PHC3: variants seen among roughly 807,000 people sequenced by gnomAD.
PHC3 encodes the protein polyhomeotic homolog 3, also known as polyhomeotic-like protein 3.
PHC3 carries 13 observed loss-of-function variants against 107.4 expected under a neutral mutation model. The ratio of observed to expected loss-of-function variants is 0.12; its 90% confidence interval spans 0.08 to 0.19. PHC3 has a LOEUF of 0.19. Among genes scored for constraint, PHC3 ranks in the 10% least tolerant of loss-of-function variants. The pLI is 1.00. For missense variants in PHC3, 992 were observed against 1,210.9 expected, an observed-to-expected ratio of 0.82 and a Z score of 2.68; for synonymous variants, 456 against 427.4, an observed-to-expected ratio of 1.07 and a Z score of -0.83.
Position 170,129,319 on chromosome 3 carries a change from A to C in PHC3, c.1153T>G (p.Ser385Ala), listed in dbSNP as rs1324807582. 6.2e-7 allele frequency: 1 copy of C among 1,613,980 alleles called. No homozygotes were observed. Among genetic ancestry groups the C allele is most frequent in the Non-Finnish European group, 8.5e-7 (1 of 1,179,878 alleles). ...GGAGAGGGATGACTCTGAATCGGTG[A>C]ACAATGCTGTGACTGGGCATTACTG... ...APSNAQSQHC[S>A]PIQSHPSPLT... The change falls in exon 8 of 15, where the codon TCA becomes GCA. Residue 385 changes from serine (S) to alanine (A), a missense_variant. By Grantham distance (99) the Ser-to-Ala change is moderately conservative. Around this residue, in one of 6 missense-constraint regions of PHC3, gnomAD observed 543 missense variants for 590.8 expected, o/e 0.92. Transcript: ENST00000495893.
intron 6 of PHC3, among the ~76,000 whole-genome samples, chr3:170,143,932 G>C (rs957718922): frequency 6.6e-6 from 1 of 151,976 alleles, no homozygotes; most frequent in African/African-American, 2.4e-5. Context: ...TGGAATCATA[G>C]AGTATGTATC....
intron 8 of PHC3, chr3:170,128,320 G>A: frequency 8.0e-7 from 1 of 1,242,598 alleles, no homozygotes; most frequent in Non-Finnish European, 1.0e-6. Context: ...CAACAGAAGG[G>A]ATCTATGAAG....
chr3:170,128,777 A>C lies in PHC3; in HGVS notation c.1695T>G (p.Ala565=). ...GAGTCTGAAATGGCAACTGGACCAA[A>C]GCTTCTGCAGCTGGAAGTTCCTCTT... ...VSEEELPAAE[A]LVQLPFQTLP... The change falls in exon 8 of 15, where the codon GCT becomes GCG. Residue 565 remains alanine (A), a synonymous_variant. Transcript: ENST00000495893. The C allele has an allele frequency of 6.2e-7, 1 of 1,613,996 alleles. No homozygotes were observed. The highest frequency in any genetic ancestry group is 8.5e-7 in the Non-Finnish European group (1 of 1,179,876).
rs1714084102 is a variant in PHC3 at position 170,091,511 on chromosome 3, TTAAG to T, written c.*5715_*5718del. 1 of 152,204 alleles carries T rather than the reference TTAAG, an allele frequency of 6.6e-6. No homozygotes were observed. Among genetic ancestry groups the T allele is most frequent in the Non-Finnish European group, 1.5e-5 (1 of 68,040 alleles). 9.4% of individuals were successfully genotyped at this position (152,204 alleles called of 1,614,324 possible). A position where few individuals can be genotyped will look rare whatever the true frequency, so the allele number is the denominator to read the frequency against. ...ACATTTCCGATTAAAATTGTCATCT[TTAAG>T]TAAAATTAAATGTCAACAAACTATA... On this transcript the variant is annotated 3_prime_UTR_variant, in exon 15 of 15. Transcript: ENST00000495893.
chr3:170,181,214 C>T (rs912381974), intron 1 of PHC3, among the ~76,000 whole-genome samples: 1 of 152,196 alleles, frequency 6.6e-6, no homozygotes, highest in Admixed American at 6.5e-5. Context: ...CGGGCAGCCC[C>T]GCGTGTCGGA....
intron 8 of PHC3, among the ~76,000 whole-genome samples, chr3:170,128,133 C>T (rs1039156067): frequency 1.2e-4 from 19 of 152,158 alleles, no homozygotes; most frequent in South Asian, 2.1e-4. Flanking sequence ...GGACTCTCTC[C>T]TAGAATAATT....
At chr3:170,155,970 C>T (rs1206012115) in intron 4 of PHC3, among the ~76,000 whole-genome samples, 2 of 152,100 alleles carry the variant, frequency 1.3e-5, no homozygotes, top group Admixed American at 6.6e-5. Context: ...AGAGGAAATG[C>T]TATTTTTCTC....
intron 8 of PHC3, among the ~76,000 whole-genome samples, chr3:170,126,771 C>T (rs971638425): frequency 1.6e-4 from 24 of 151,794 alleles, no homozygotes; most frequent in African/African-American, 5.8e-4. Flanking sequence ...GAACTCCTGA[C>T]CTCAGGTGAT....
At chr3:170,145,620 G>C in intron 5 of PHC3, 99 bp from the exon 6 acceptor site, 1 of 732,878 alleles carries the variant, frequency 1.4e-6, no homozygotes, top group Non-Finnish European at 2.2e-6. Context: ...GTGACAGAAA[G>C]ACAATGCAGT....
In PHC3 at chr3:170,128,978, G is replaced by T. The variant is rs1431968822; in HGVS notation, c.1494C>A (p.His498Gln). Residue 498 changes from histidine to glutamine, a missense_variant, in exon 8 of 15, where the codon CAC (histidine) becomes CAA (glutamine). Around this residue, in one of 6 missense-constraint regions of PHC3, gnomAD observed 543 missense variants for 590.8 expected, o/e 0.92. Transcript: ENST00000495893. ...AGGACTGCAGGGATGAATATTGCTGGTGTGATGGAGAGACAATCTGCTGGC... is the reference window on the plus strand; with the variant it reads ...AGGACTGCAGGGATGAATATTGCTGTTGTGATGGAGAGACAATCTGCTGGC... The part of the protein sequence containing the change: ...SPGQQIVSPS[H>Q]QQYSSLQSSP... The T allele has an allele frequency of 2.5e-6, 4 of 1,613,866 alleles. No homozygotes were observed.
chr3:170,106,477 A>C (rs972797927), intron 12 of PHC3, among the ~76,000 whole-genome samples: 3 of 152,190 alleles, frequency 2.0e-5, no homozygotes, highest in Non-Finnish European at 4.4e-5. Context: ...TGATACTTTA[A>C]GGACTAGTAT....
intron 12 of PHC3, among the ~76,000 whole-genome samples, chr3:170,105,508 A>C (rs1490184982): frequency 6.6e-6 from 1 of 151,682 alleles, no homozygotes; most frequent in Non-Finnish European, 1.5e-5. Flanking sequence ...TCATGAGGTT[A>C]AGGTTATTTA....
intron 10 of PHC3, among the ~76,000 whole-genome samples, chr3:170,115,540 T>C (rs574601910): frequency 6.7e-4 from 102 of 152,304 alleles, no homozygotes; most frequent in African/African-American, 2.3e-3. Flanking sequence ...GTGGTATTAA[T>C]GGGGATCATT....
intron 10 of PHC3, among the ~76,000 whole-genome samples, chr3:170,115,655 T>C (rs1179025843): frequency 6.6e-6 from 1 of 152,214 alleles, no homozygotes; most frequent in Non-Finnish European, 1.5e-5. Context: ...ATAATGGCTA[T>C]GGCCATGAAG....
intron 6 of PHC3, among the ~76,000 whole-genome samples, chr3:170,143,439 T>G (rs1724420695): frequency 6.6e-6 from 1 of 152,180 alleles, no homozygotes; most frequent in African/African-American, 2.4e-5. Flanking sequence ...CCTTTACTTG[T>G]AAATGAAATA....
At chr3:170,162,840 C>T (rs1275189798) in intron 4 of PHC3, among the ~76,000 whole-genome samples, 2 of 152,190 alleles carry the variant, frequency 1.3e-5, no homozygotes, top group Admixed American at 1.3e-4. Context: ...CCCACTCTCA[C>T]ATTCCACTCC....
chr3:170,125,849 A>G lies in PHC3; in HGVS notation c.1788+2835T>C, dbSNP rs1470398101. ...GTTCAACAATTAAAATGTTGAAAAA[A>G]GCAAAGTGGAGGTTTTGCTCACTCA... is the stretch of plus-strand genomic sequence containing the variant. On this transcript the variant is annotated intron_variant, in intron 8 of 14. Transcript: ENST00000495893. 1.8e-5 allele frequency: 5 copies of G among 272,788 alleles called. No individual in the cohort carries two copies. In the East Asian group the frequency reaches 8.8e-4, roughly 48 times the overall value. 16.9% of individuals were successfully genotyped at this position (272,788 alleles called of 1,614,324 possible).
At chr3:170,175,214 A>G (rs1161429239) in intron 2 of PHC3, among the ~76,000 whole-genome samples, 1 of 152,236 alleles carries the variant, frequency 6.6e-6, no homozygotes, top group African/African-American at 2.4e-5. Context: ...TCATTTTGGG[A>G]GAAGCAATTC....
chr3:170,170,752 A>C (rs1729467258), intron 4 of PHC3: 1 of 152,018 alleles, frequency 6.6e-6, no homozygotes, highest in Non-Finnish European at 1.5e-5. Flanking sequence ...AAATTTTTTT[A>C]TTATTATTGC....
Sources: gnomAD v4.1 joint callset for allele counts (sites outside exome capture counted in the v4.1 genomes callset) on GRCh38, gnomAD v4.1.1 for gene constraint, gnomAD v4.1.1 regional missense constraint, MANE v1.5 for transcripts, NCBI Gene and HGNC (gene_info 2026-07-23, HGNC 2026-07-21) for gene names.